The following TBC1D31 variants were observed in gnomAD, a reference collection of about 807,000 sequenced individuals.
TBC1D31 encodes the protein WD repeat domain 67.
A neutral mutation model predicts 132.9 loss-of-function variants in TBC1D31; 99 were observed. That is an observed-to-expected ratio of 0.74 (90% CI 0.63 to 0.88). The LOEUF is 0.88. Ranked by LOEUF, TBC1D31 falls within the 40% of genes least tolerant of loss-of-function variation. The pLI is 0.00. For synonymous variants in TBC1D31, 385 were observed against 419.4 expected (o/e 0.92, Z 1.00); for missense variants, 1,134 against 1,256.6 (o/e 0.90, Z 1.48).
intron 10 of TBC1D31, among the ~76,000 whole-genome samples, chr8:123,118,771 C>T (rs1819191770): frequency 6.6e-6 from 1 of 152,146 alleles, no homozygotes; most frequent in East Asian, 1.9e-4. Flanking sequence ...CTTGCTCTGT[C>T]ACCCAGGTTG....
chr8:123,088,695 T>C (rs1297688136), intron 4 of TBC1D31, among the ~76,000 whole-genome samples: 2 of 152,232 alleles, frequency 1.3e-5, no homozygotes, highest in South Asian at 4.1e-4. Flanking sequence ...TTTTATTTAT[T>C]TGTTTGTTTT....
chr8:123,110,150 T>C (rs563786161), intron 10 of TBC1D31, among the ~76,000 whole-genome samples: 35 of 152,332 alleles, frequency 2.3e-4, no homozygotes, highest in African/African-American at 8.2e-4. Flanking sequence ...GCAAAAGACC[T>C]AGTTTTGAAT....
rs566610543 is a variant in TBC1D31, at chr8:123,093,636, G to T, written c.565G>T (p.Asp189Tyr). Residue 189 changes from aspartate to tyrosine, a missense_variant, in exon 5 of 22, where the codon GAT becomes TAT. Transcript: ENST00000287380. ...LSNTILSCFK[D>Y]NSIFAWECDT... ...TAATACCATCCTCAGCTGTTTTAAA[G>T]ATAATTCCATTTTTGCCTGGGAATG... 6.2e-7 allele frequency: 1 copy of T among 1,611,524 alleles called. No homozygotes were observed. Among genetic ancestry groups the T allele is most frequent in the East Asian group, 2.2e-5 (1 of 44,712 alleles).
intron 8 of TBC1D31, 144 bp from the exon 9 acceptor site, chr8:123,109,173 T>G: frequency 1.7e-6 from 1 of 601,438 alleles, no homozygotes; most frequent in Non-Finnish European, 2.9e-6. Context: ...GAGAGGGGAG[T>G]GGGGAAAAGA....
At chr8:123,138,993 A>G (rs1821355373) in intron 17 of TBC1D31, among the ~76,000 whole-genome samples, 1 of 152,068 alleles carries the variant, frequency 6.6e-6, no homozygotes, top group African/African-American at 2.4e-5. Flanking sequence ...TAGTTTTTAT[A>G]GAGAGGGTTT....
intron 1 of TBC1D31, among the ~76,000 whole-genome samples, chr8:123,074,086 C>T (rs1224754626): frequency 6.6e-6 from 1 of 151,394 alleles, no homozygotes; most frequent in African/African-American, 2.4e-5. Flanking sequence ...GGGTCGGATG[C>T]AGTGGCGCGA....
At chr8:123,101,030 C>A in intron 7 of TBC1D31, 23 bp downstream of exon 7, 1 of 1,535,368 alleles carries the variant, frequency 6.5e-7, no homozygotes, top group Non-Finnish European at 9.0e-7. Flanking sequence ...AAGTAATCAA[C>A]ATCAGCTTTT....
intron 11 of TBC1D31, chr8:123,123,175 G>A (rs1819660413): frequency 1.3e-5 from 2 of 152,200 alleles, no homozygotes; most frequent in Admixed American, 1.3e-4. Context: ...AGATTTGCCA[G>A]GAGAAGCATA....
chr8:123,157,315 T>G, the TBC1D31 span, among the ~76,000 whole-genome samples: 1 of 152,102 alleles, frequency 6.6e-6, no homozygotes, highest in African/African-American at 2.4e-5. Context: ...CTAGTAAGGG[T>G]TTCCGGACGG....
At chr8:123,153,169 A>G (rs994057524), downstream of TBC1D31, among the ~76,000 whole-genome samples, 1 of 152,192 alleles carries the variant, frequency 6.6e-6, no homozygotes, top group African/African-American at 2.4e-5. Context: ...TTTTTTGACA[A>G]CAGGAATCCC....
chr8:123,131,106 G>A (rs1175298719), intron 16 of TBC1D31, among the ~76,000 whole-genome samples: 3 of 151,508 alleles, frequency 2.0e-5, no homozygotes, highest in East Asian at 2.0e-4. Context: ...GCTCATGCCC[G>A]TAATCCCAGC....
In TBC1D31 at chr8:123,150,001, C is replaced by T. The variant is rs376649091; in HGVS notation, c.2975-35C>T. On this transcript the variant is annotated intron_variant, in intron 20 of 21. Coordinates refer to ENST00000287380, the MANE Select transcript of TBC1D31 (RefSeq NM_145647.4). ...ATTAGTAAGCCTTTCTACTCACTCC[C>T]AAACATCATCTTAATCTCCTCACTT... The T allele has an allele frequency of 4.0e-5, 61 of 1,534,566 alleles. No homozygotes were observed. The African/African-American group carries it at 6.9e-4, about 17-fold the overall frequency.
At position 123,086,906 on chromosome 8, in the gene TBC1D31, C is replaced by T. The variant is rs149567976; in HGVS notation, c.519+2566C>T. ...CTAATTTTTGTATTTTCAGTAGAGA[C>T]GGGGTTTCACCATGTTAGCCAGGCC... On this transcript the variant is annotated intron_variant, in intron 4 of 21. Coordinates refer to ENST00000287380, the MANE Select transcript of TBC1D31 (RefSeq NM_145647.4). Among the ~76,000 whole-genome samples the T allele has an allele frequency of 3.8e-3, 571 of 152,134 alleles. 2 individuals are homozygous for T. The highest frequency in any genetic ancestry group is 0.013 in the African/African-American group (550 of 41,510).
At chr8:123,110,205 T>C (rs1818311902) in intron 10 of TBC1D31, among the ~76,000 whole-genome samples, 1 of 152,254 alleles carries the variant, frequency 6.6e-6, no homozygotes, top group Non-Finnish European at 1.5e-5. Flanking sequence ...CGTGTTATTT[T>C]ACTTCTTAGC....
intron 1 of TBC1D31, among the ~76,000 whole-genome samples, chr8:123,074,101 G>A (rs1814226732): frequency 6.6e-6 from 1 of 151,034 alleles, no homozygotes; most frequent in South Asian, 2.1e-4. Flanking sequence ...GCGCGATCTC[G>A]GCTCACTGCA....
At chr8:123,084,820 CG>C (rs1209152308) in intron 4 of TBC1D31, among the ~76,000 whole-genome samples, 6 of 151,462 alleles carry the variant, frequency 4.0e-5, no homozygotes. Flanking sequence ...GACAGAATCT[CG>C]CTCTGTCACC....
chr8:123,124,794 G>T (rs1819869041), intron 11 of TBC1D31, among the ~76,000 whole-genome samples: 1 of 151,376 alleles, frequency 6.6e-6, no homozygotes, highest in Admixed American at 6.6e-5. Context: ...AAAATGAGCT[G>T]GGCATGGTGG....
intron 5 of TBC1D31, among the ~76,000 whole-genome samples, chr8:123,096,212 C>T (rs965644644): frequency 2.6e-5 from 4 of 152,128 alleles, no homozygotes. Flanking sequence ...TTCAACCCCC[C>T]ACCCCTCATT....
the TBC1D31 span, among the ~76,000 whole-genome samples, chr8:123,161,425 C>A: frequency 3.3e-5 from 5 of 152,238 alleles, no homozygotes; most frequent in Non-Finnish European, 7.3e-5. Flanking sequence ...ACTCCTAGAG[C>A]AACCCGAAGG....
Sources: gnomAD v4.1 joint callset for allele counts (sites outside exome capture counted in the v4.1 genomes callset) on GRCh38, gnomAD v4.1.1 for gene constraint, MANE v1.5 for transcripts, NCBI Gene and HGNC (gene_info 2026-07-23, HGNC 2026-07-21) for gene names.